The following SPAG6 variants were observed in gnomAD, a reference collection of about 807,000 sequenced individuals.
SPAG6 encodes the protein sperm-associated antigen 6.
In SPAG6, 49 loss-of-function variants were observed where a neutral mutation model predicts 58.5. The observed-to-expected ratio is 0.84, with a 90% CI of 0.67 to 1.06. The LOEUF is 1.06. SPAG6 is among the 50% of genes least tolerant of loss of function. The pLI is 0.00. For synonymous variants in SPAG6, 233 were observed against 225.6 expected (o/e 1.03, Z -0.29); for missense variants, 560 against 611.3 (o/e 0.92, Z 0.89).
chr10:22,399,739 A>C (rs935702740), intron 8 of SPAG6, among the ~76,000 whole-genome samples: 1 of 152,216 alleles, frequency 6.6e-6, no homozygotes, highest in Non-Finnish European at 1.5e-5. Flanking sequence ...GAACTACTAG[A>C]ATAAGGCTGT....
intron 4 of SPAG6, among the ~76,000 whole-genome samples, chr10:22,370,955 C>T (rs1833670551): frequency 6.6e-6 from 1 of 152,044 alleles, no homozygotes; most frequent in Non-Finnish European, 1.5e-5. Flanking sequence ...CAGGCAGGTG[C>T]CCCACAGATA....
At chr10:22,367,564 G>T (rs940721874) in intron 3 of SPAG6, among the ~76,000 whole-genome samples, 2 of 152,152 alleles carry the variant, frequency 1.3e-5, no homozygotes, top group East Asian at 3.9e-4. Flanking sequence ...TCACTGTGAA[G>T]AAATAGAAAC....
At chr10:22,376,905 C>T (rs538202526) in intron 4 of SPAG6, among the ~76,000 whole-genome samples, 2 of 151,674 alleles carry the variant, frequency 1.3e-5, no homozygotes, top group African/African-American at 4.8e-5. Flanking sequence ...GGCAACATAG[C>T]GAGATCTCAT....
intron 4 of SPAG6, among the ~76,000 whole-genome samples, chr10:22,382,800 A>C (rs1442973306): frequency 6.6e-6 from 1 of 152,214 alleles, no homozygotes; most frequent in East Asian, 1.9e-4. Context: ...AGTTAGGCCC[A>C]GCAGTAGCTA....
At position 22,345,981 on chromosome 10, in the gene SPAG6, G is replaced by A; in HGVS notation, c.121+163G>A. On this transcript the variant is annotated intron_variant, in intron 2 of 10. Coordinates refer to ENST00000376624, the MANE Select transcript of SPAG6 (RefSeq NM_012443.4). The surrounding 1 kb of genome is among the most constrained non-coding windows in gnomAD (Gnocchi z 6.3). ...CGGGTCTTTGGGGGTCAGGCCGAGA[G>A]GGTGAAGCTTCCAGATGGTTGTGGG... 1 of 1,549,194 alleles carries A rather than the reference G, an allele frequency of 6.5e-7. No individual in the cohort carries two copies. Among genetic ancestry groups the A allele is most frequent in the Non-Finnish European group, 8.7e-7 (1 of 1,146,426 alleles).
At chr10:22,378,876 C>T (rs1833885317) in intron 4 of SPAG6, among the ~76,000 whole-genome samples, 2 of 152,138 alleles carry the variant, frequency 1.3e-5, no homozygotes, top group Admixed American at 6.5e-5. Flanking sequence ...ATTGTAATTT[C>T]TTACTAAAGC....
chr10:22,350,187 A>G (rs1019793519), intron 2 of SPAG6, among the ~76,000 whole-genome samples: 1 of 152,104 alleles, frequency 6.6e-6, no homozygotes, highest in Non-Finnish European at 1.5e-5. Flanking sequence ...ACTTCTTCTT[A>G]AAAGATAGGG....
At chr10:22,366,143 G>A (rs1254934789) in intron 3 of SPAG6, among the ~76,000 whole-genome samples, 1 of 152,170 alleles carries the variant, frequency 6.6e-6, no homozygotes, top group Non-Finnish European at 1.5e-5. Context: ...ATCCACAATA[G>A]CCAAAAGGTG....
intron 2 of SPAG6, among the ~76,000 whole-genome samples, chr10:22,348,550 C>T (rs1030864145): frequency 6.6e-6 from 1 of 152,108 alleles, no homozygotes; most frequent in African/African-American, 2.4e-5. Flanking sequence ...TATCATGGAT[C>T]CAAGATAATG....
chr10:22,368,617 T>C lies in SPAG6; in HGVS notation c.411T>C (p.Phe137=), dbSNP rs753342031. ...LDTLVICLED[F]DPGVKEAAAW... ...CGCTGGTCATATGCTTGGAAGATTTTGACCCTGGAGTCAAGGAGGCTGCAG... is the reference window on the plus strand; with the variant it reads ...CGCTGGTCATATGCTTGGAAGATTTCGACCCTGGAGTCAAGGAGGCTGCAG... Residue 137 remains phenylalanine (F), a synonymous_variant, in exon 4 of 11, where the codon TTT becomes TTC. Transcript: ENST00000376624. 1 of 1,614,032 alleles carries C rather than the reference T, an allele frequency of 6.2e-7. No individual in the cohort carries two copies. Among genetic ancestry groups the C allele is most frequent in the Non-Finnish European group, 8.5e-7 (1 of 1,179,958 alleles).
At chr10:22,387,038 TG>T in intron 5 of SPAG6, 79 bp downstream of exon 5, 1 of 1,091,814 alleles carries the variant, frequency 9.2e-7, no homozygotes, top group Non-Finnish European at 1.4e-6. Context: ...GTGAATATTT[TG>T]CATCTAAAAA....
intron 2 of SPAG6, among the ~76,000 whole-genome samples, chr10:22,354,342 T>G (rs1244486656): frequency 1.3e-5 from 2 of 152,124 alleles, no homozygotes; most frequent in South Asian, 4.1e-4. Context: ...CTCCTGGACT[T>G]CTGGTTGCTT....
intron 8 of SPAG6, among the ~76,000 whole-genome samples, chr10:22,399,142 T>C (rs1336958084): frequency 2.6e-5 from 4 of 152,202 alleles, no homozygotes; most frequent in African/African-American, 9.6e-5. Flanking sequence ...TTTAACAACT[T>C]TATTGAGATA....
At chr10:22,414,128 G>T (rs1175737643) in intron 10 of SPAG6, among the ~76,000 whole-genome samples, 2 of 152,144 alleles carry the variant, frequency 1.3e-5, no homozygotes, top group Non-Finnish European at 2.9e-5. Context: ...CAAAATCTCT[G>T]CCTCAGCTGG....
At chr10:22,400,859 C>A (rs1834394880) in intron 8 of SPAG6, among the ~76,000 whole-genome samples, 1 of 151,980 alleles carries the variant, frequency 6.6e-6, no homozygotes, top group Admixed American at 6.6e-5. Flanking sequence ...TAATATAGTA[C>A]ATATTAATTT....
chr10:22,359,788 A>C (rs546973870), intron 2 of SPAG6, among the ~76,000 whole-genome samples: 6 of 152,350 alleles, frequency 3.9e-5, no homozygotes, highest in Admixed American at 6.5e-5. Context: ...CTGAAGGCCC[A>C]GTTTGCAGAA....
chr10:22,351,194 A>G (rs891074008), intron 2 of SPAG6, among the ~76,000 whole-genome samples: 12 of 152,318 alleles, frequency 7.9e-5, no homozygotes, highest in African/African-American at 2.9e-4. Flanking sequence ...AGTGGAGGCC[A>G]GATGCAGAGG....
rs570602404 is a variant in SPAG6 at position 22,356,347 on chromosome 10, G to C, written c.122-8506G>C. On this transcript the variant is annotated intron_variant, in intron 2 of 10. Transcript: ENST00000376624. The stretch of plus-strand genomic sequence containing the variant: ...CAATCTATGTGAACGGCATTCCTTC[G>C]ATTTGTGCAGTACGCATCCTGCACA... Among the ~76,000 whole-genome samples, 9 of 152,292 alleles carry C rather than the reference G, an allele frequency of 5.9e-5. No homozygotes were observed. In the East Asian group the frequency reaches 1.7e-3, roughly 29 times the overall value.
Position 22,398,512 on chromosome 10 carries a change from G to A in SPAG6, c.1198-2649G>A, listed in dbSNP as rs536970409. Among the ~76,000 whole-genome samples the A allele has an allele frequency of 3.9e-5, 6 of 152,314 alleles. No individual in the cohort carries two copies. The East Asian group carries it at 1.2e-3, about 29-fold the overall frequency. The stretch of plus-strand genomic sequence containing the variant: ...AGGACAAGGCAAGAGGATCACTTGA[G>A]GTTAGGCGTTTTGAGACCAACATGG... On this transcript the variant is annotated intron_variant, in intron 8 of 10. Transcript: ENST00000376624.
Sources: allele counts gnomAD v4.1 joint callset (sites outside exome capture counted in the v4.1 genomes callset), GRCh38; gene constraint gnomAD v4.1.1; non-coding constraint Gnocchi (gnomAD v3.1); transcripts MANE v1.5; gene names NCBI Gene and HGNC (gene_info 2026-07-23, HGNC 2026-07-21).